LRRC1: variants seen among roughly 807,000 people sequenced by gnomAD.
LRRC1 encodes the protein leucine rich repeat containing 1.
Under a neutral mutation model 69.9 loss-of-function variants are expected in LRRC1, and 28 were observed. The ratio of observed to expected loss-of-function variants is 0.40; its 90% CI spans 0.30 to 0.55. The LOEUF is 0.55. Ranked by LOEUF, LRRC1 falls within the 20% of genes least tolerant of loss-of-function variation. LRRC1 has a pLI of 0.47. For synonymous variants in LRRC1, 236 were observed against 240.2 expected (o/e 0.98, Z 0.16); for missense variants, 498 against 609.0 (o/e 0.82, Z 1.92).
rs142433483 is a variant in LRRC1 at position 53,837,245 on chromosome 6, G to T, written c.160-4865G>T. ...TTTTTTTAAAGATCTATACCTAGTAGTATAACTTCTGGGTAACAAAGTCAC... is the reference window on the plus strand; with the variant it reads ...TTTTTTTAAAGATCTATACCTAGTATTATAACTTCTGGGTAACAAAGTCAC... On this transcript the variant is annotated intron_variant, in intron 1 of 13. Coordinates refer to ENST00000370888, the MANE Select transcript of LRRC1 (RefSeq NM_018214.5). Among the ~76,000 whole-genome samples the T allele has an allele frequency of 2.1e-3, 326 of 151,852 alleles. 2 individuals are homozygous for T. The highest frequency in any genetic ancestry group is 7.5e-3 in the African/African-American group (311 of 41,386).
At chr6:53,882,208 C>T (rs1562058280) in intron 3 of LRRC1, among the ~76,000 whole-genome samples, 1 of 152,028 alleles carries the variant, frequency 6.6e-6, no homozygotes, top group Non-Finnish European at 1.5e-5. Context: ...ATTATCTGGG[C>T]GTGGTGGCGC....
intron 1 of LRRC1, among the ~76,000 whole-genome samples, chr6:53,799,277 C>T (rs1333870624): frequency 6.6e-6 from 1 of 152,184 alleles, no homozygotes; most frequent in Non-Finnish European, 1.5e-5. Flanking sequence ...ATATCATTAC[C>T]TAACTCCAGA....
chr6:53,921,126 A>C (rs2494087), intron 13 of LRRC1, among the ~76,000 whole-genome samples: 110,762 of 151,892 alleles, frequency 0.73, 41,276 homozygotes, highest in East Asian at 0.98. Context: ...TGCCACCATG[A>C]CCGGCTAATT....
rs1765283653 is a variant in LRRC1, at chr6:53,826,962, C to G, written c.160-15148C>G. On this transcript the variant is annotated intron_variant, in intron 1 of 13. Coordinates refer to ENST00000370888, the MANE Select transcript of LRRC1 (RefSeq NM_018214.5). Reference sequence around the variant, plus strand: ...CAACTTGCATAAGGTATATTTAAACCAAGTGATTCTAATGTGCATCCAGGC... The same window carrying G: ...CAACTTGCATAAGGTATATTTAAACGAAGTGATTCTAATGTGCATCCAGGC... Among the ~76,000 whole-genome samples the G allele has an allele frequency of 1.3e-5, 2 of 152,064 alleles. 1 individual carries two copies. The highest frequency in any genetic ancestry group is 4.8e-5 in the African/African-American group (2 of 41,392).
chr6:53,906,653 C>A (rs1768247636), intron 10 of LRRC1, among the ~76,000 whole-genome samples: 1 of 152,136 alleles, frequency 6.6e-6, no homozygotes, highest in Non-Finnish European at 1.5e-5. Context: ...CTAGTCCATG[C>A]TATGTGTTCA....
chr6:53,851,097 G>T (rs1461341550), intron 2 of LRRC1, among the ~76,000 whole-genome samples: 1 of 150,916 alleles, frequency 6.6e-6, no homozygotes, highest in Non-Finnish European at 1.5e-5. Flanking sequence ...TTGAATGCTG[G>T]AATTATGTGG....
chr6:53,833,627 TCTTTC>T (rs1765526647), intron 1 of LRRC1, among the ~76,000 whole-genome samples: 1 of 152,242 alleles, frequency 6.6e-6, no homozygotes, highest in African/African-American at 2.4e-5. Flanking sequence ...GAGTCAGCAC[TCTTTC>T]CTTTGTTGCA....
intron 2 of LRRC1, among the ~76,000 whole-genome samples, chr6:53,853,138 C>A (rs1436316197): frequency 3.3e-5 from 5 of 152,076 alleles, no homozygotes; most frequent in Admixed American, 2.0e-4. Context: ...AGGCACTAAT[C>A]CCATTCATGA....
intron 1 of LRRC1, among the ~76,000 whole-genome samples, chr6:53,808,044 G>A (rs1424096705): frequency 6.6e-6 from 1 of 152,222 alleles, no homozygotes; most frequent in African/African-American, 2.4e-5. Flanking sequence ...GAGAGTGGAT[G>A]GGTTTTCATC....
chr6:53,832,230 G>A (rs1180853122), intron 1 of LRRC1, among the ~76,000 whole-genome samples: 1 of 152,022 alleles, frequency 6.6e-6, no homozygotes, highest in Non-Finnish European at 1.5e-5. Context: ...ATCCTTTTAT[G>A]GCAGTTTGTG....
intron 4 of LRRC1, among the ~76,000 whole-genome samples, chr6:53,888,333 T>G (rs748520378): frequency 7.9e-5 from 12 of 152,154 alleles, no homozygotes; most frequent in Admixed American, 2.6e-4. Flanking sequence ...TTTTTATATA[T>G]CAGCATTAAA....
chr6:53,897,218 T>C lies in LRRC1; in HGVS notation c.568-67T>C. On this transcript the variant is annotated intron_variant, in intron 6 of 13. Coordinates refer to ENST00000370888, the MANE Select transcript of LRRC1 (RefSeq NM_018214.5). Reference sequence around the variant, plus strand: ...GTTGTTAACAGATGAATTCAGTTTCTTTCTTTCTTCAGGGAAGACTGAAAA... The same window carrying C: ...GTTGTTAACAGATGAATTCAGTTTCCTTCTTTCTTCAGGGAAGACTGAAAA... The C allele has an allele frequency of 1.8e-6, 2 of 1,088,218 alleles. 1 individual carries two copies. The highest frequency in any genetic ancestry group is 2.7e-5 in the South Asian group (2 of 73,288). 67.4% of individuals were successfully genotyped at this position (1,088,218 alleles called of 1,614,324 possible). A position where few individuals can be genotyped will look rare whatever the true frequency, so the allele number is the denominator to read the frequency against.
intron 2 of LRRC1, among the ~76,000 whole-genome samples, chr6:53,870,786 C>T (rs1207290693): frequency 6.6e-6 from 1 of 152,090 alleles, no homozygotes; most frequent in Non-Finnish European, 1.5e-5. Context: ...TTTCCCATCC[C>T]CTCCACCCCA....
chr6:53,900,041 T>A, intron 8 of LRRC1, 150 bp downstream of exon 8: 1 of 668,948 alleles, frequency 1.5e-6, no homozygotes, highest in Non-Finnish European at 2.2e-6. Flanking sequence ...TTTTTTTTTT[T>A]TTTTTTTTTT....
At chr6:53,815,149 CAGTGGGACCAGGAATCTGT>C (rs1764915110) in intron 1 of LRRC1, among the ~76,000 whole-genome samples, 2 of 152,018 alleles carry the variant, frequency 1.3e-5, no homozygotes, top group Non-Finnish European at 2.9e-5. Flanking sequence ...TGGGGGTCAT[CAGTGGGACCAGGAATCTGT>C]AGTTTTAGCT....
At chr6:53,828,837 C>T (rs888141378) in intron 1 of LRRC1, among the ~76,000 whole-genome samples, 5 of 152,132 alleles carry the variant, frequency 3.3e-5, no homozygotes, top group African/African-American at 7.2e-5. Context: ...TGGCATGATT[C>T]TTGTTTAGCA....
chr6:53,830,213 A>G (rs1765387783), intron 1 of LRRC1, among the ~76,000 whole-genome samples: 1 of 152,244 alleles, frequency 6.6e-6, no homozygotes. Context: ...GTTGGTAAAC[A>G]GTAAAAATAA....
chr6:53,841,208 G>T (rs937781226), intron 1 of LRRC1, among the ~76,000 whole-genome samples: 2 of 152,214 alleles, frequency 1.3e-5, no homozygotes, highest in African/African-American at 4.8e-5. Context: ...CTCTTCTGGA[G>T]AGGAAATTTC....
intron 1 of LRRC1, among the ~76,000 whole-genome samples, chr6:53,836,314 A>G (rs997423837): frequency 2.0e-5 from 3 of 152,170 alleles, no homozygotes; most frequent in African/African-American, 4.8e-5. Flanking sequence ...TGAGCCACCA[A>G]ATTTGGGATG....
Sources: gnomAD v4.1 joint callset for allele counts (sites outside exome capture counted in the v4.1 genomes callset) on GRCh38, gnomAD v4.1.1 for gene constraint, MANE v1.5 for transcripts, NCBI Gene and HGNC (gene_info 2026-07-23, HGNC 2026-07-21) for gene names.